STAU1: variants seen among roughly 807,000 people sequenced by gnomAD.
The protein encoded by STAU1 is double-stranded RNA-binding protein Staufen homolog 1.
Under a neutral mutation model 62.9 loss-of-function variants are expected in STAU1, and 13 were observed. That is an observed-to-expected ratio of 0.21 (90% CI 0.13 to 0.33). STAU1 has a LOEUF of 0.33. Ranked by LOEUF, STAU1 falls within the 10% of genes least tolerant of loss-of-function variation. The probability of loss-of-function intolerance (pLI) is 1.00; values close to 1 mark genes in which losing one functional copy is unlikely to be tolerated. For synonymous variants in STAU1, 269 were observed against 265.1 expected, an observed-to-expected ratio of 1.01 and a Z score of -0.14; for missense variants, 571 against 712.1, an observed-to-expected ratio of 0.80 and a Z score of 2.25.
At chr20:49,171,887 G>A (rs535434283) in intron 2 of STAU1, among the ~76,000 whole-genome samples, 133 of 144,326 alleles carry the variant, frequency 9.2e-4, no homozygotes, top group African/African-American at 3.2e-3. Context: ...ATAATAAAAC[G>A]TTTTTGAAAA....
At chr20:49,137,671 T>C (rs559986087) in intron 5 of STAU1, among the ~76,000 whole-genome samples, 2 of 144,838 alleles carry the variant, frequency 1.4e-5, no homozygotes, top group Non-Finnish European at 3.1e-5. Context: ...TACACTCAAC[T>C]TTTTTTTTTT....
intron 3 of STAU1, among the ~76,000 whole-genome samples, chr20:49,159,876 T>C (rs1189663576): frequency 6.6e-6 from 1 of 152,234 alleles, no homozygotes; most frequent in Non-Finnish European, 1.5e-5. Flanking sequence ...GTTGCCTAAA[T>C]GTGTCTATAA....
At chr20:49,198,350 C>T in the STAU1 span, among the ~76,000 whole-genome samples, 2 of 151,420 alleles carry the variant, frequency 1.3e-5, no homozygotes, top group Non-Finnish European at 1.5e-5. Context: ...CCTGTCTCTA[C>T]TAAAAATAGA....
intron 5 of STAU1, among the ~76,000 whole-genome samples, chr20:49,144,367 T>A (rs1042569941): frequency 6.6e-6 from 1 of 152,210 alleles, no homozygotes; most frequent in African/African-American, 2.4e-5. Flanking sequence ...TTCTGTTGAA[T>A]GACTAGATGA....
At chr20:49,192,312 C>A (rs1209521768), upstream of STAU1, among the ~76,000 whole-genome samples, 3 of 138,366 alleles carry the variant, frequency 2.2e-5, no homozygotes, top group East Asian at 6.5e-4. Context: ...AGTCACTGCA[C>A]TGCAGCCTGG....
At chr20:49,198,849 G>C in the STAU1 span, among the ~76,000 whole-genome samples, 3 of 152,136 alleles carry the variant, frequency 2.0e-5, no homozygotes, top group African/African-American at 7.2e-5. Context: ...TATAGTCCCA[G>C]CTACTTTTGA....
intron 7 of STAU1, 122 bp from the exon 8 acceptor site, chr20:49,123,357 A>T: frequency 1.8e-6 from 2 of 1,124,686 alleles, no homozygotes; most frequent in Admixed American, 4.5e-5. Flanking sequence ...TCAGAATTCG[A>T]TTTTTTTTAA....
intron 5 of STAU1, among the ~76,000 whole-genome samples, chr20:49,143,920 C>A (rs1298719799): frequency 6.6e-6 from 1 of 152,210 alleles, no homozygotes; most frequent in African/African-American, 2.4e-5. Flanking sequence ...GCAGCTGGGG[C>A]ACAGCCCACC....
At chr20:49,176,607 T>G (rs759917713) in intron 1 of STAU1, among the ~76,000 whole-genome samples, 11 of 152,236 alleles carry the variant, frequency 7.2e-5, no homozygotes, top group Non-Finnish European at 1.2e-4. Flanking sequence ...TCTAGTTTAT[T>G]TTCTGGTATT....
At chr20:49,204,488 GC>G in the STAU1 span, among the ~76,000 whole-genome samples, 97 of 148,912 alleles carry the variant, frequency 6.5e-4, no homozygotes, top group African/African-American at 2.3e-3. Flanking sequence ...ATTTACCCAG[GC>G]TCGTTCTGAG....
chr20:49,158,589 C>T (rs1358984923), intron 3 of STAU1: 11 of 1,049,460 alleles, frequency 1.0e-5, no homozygotes, highest in East Asian at 1.2e-4. Flanking sequence ...GCAGGCAGAT[C>T]ACTTGAGGTC....
chr20:49,194,057 T>C, the STAU1 span, among the ~76,000 whole-genome samples: 2 of 152,112 alleles, frequency 1.3e-5, no homozygotes, highest in South Asian at 4.1e-4. Context: ...AGGTAGCTTC[T>C]GGGGCAGGGG....
Position 49,118,372 on chromosome 20 carries a change from T to C in STAU1, c.1150A>G (p.Thr384Ala). ...TCCCCAGAGCCAGGTTCAAAAAAGG[T>C]TACTTTTCTTCCATCCCCTGGTTTC... is the stretch of plus-strand genomic sequence containing the variant. The part of the protein sequence containing the change: ...IKKPGDGRKV[T>A]FFEPGSGDEN... Residue 384 changes from threonine to alanine, a missense_variant, in exon 10 of 14, where the codon ACC becomes GCC. By Grantham distance (58) the Thr-to-Ala change is moderately conservative. This residue lies in a region of STAU1 where 414 missense variants were observed against 499.6 expected (regional missense o/e 0.83). Coordinates refer to ENST00000371856, the MANE Select transcript of STAU1 (RefSeq NM_017453.4). The C allele has an allele frequency of 6.2e-7, 1 of 1,613,760 alleles. No homozygotes were observed. The highest frequency in any genetic ancestry group is 1.1e-5 in the South Asian group (1 of 91,028).
At position 49,114,753 on chromosome 20, in the gene STAU1, C is replaced by G; in HGVS notation, c.*125G>C. 1 of 897,926 alleles carries G rather than the reference C, an allele frequency of 1.1e-6. No homozygotes were observed. Among genetic ancestry groups the G allele is most frequent in the Non-Finnish European group, 1.8e-6 (1 of 557,282 alleles). The allele number at this position is 897,926 out of a possible 1,614,324, so 55.6% of individuals were successfully genotyped here. ...TTCTGTTGTCTTCCCTGCTGCTGCCCACATCCTTTACCCACCGTGTCTCTC... is the reference window on the plus strand; with the variant it reads ...TTCTGTTGTCTTCCCTGCTGCTGCCGACATCCTTTACCCACCGTGTCTCTC... On this transcript the variant is annotated 3_prime_UTR_variant, in exon 14 of 14. Transcript: ENST00000371856.
intron 3 of STAU1, among the ~76,000 whole-genome samples, chr20:49,163,587 G>A (rs1568910074): frequency 6.6e-6 from 1 of 151,372 alleles, no homozygotes. Flanking sequence ...CGCTACACCT[G>A]GCTAATTTTT....
intron 3 of STAU1, among the ~76,000 whole-genome samples, chr20:49,163,127 A>T (rs1466527950): frequency 6.6e-6 from 1 of 151,602 alleles, no homozygotes; most frequent in South Asian, 2.1e-4. Flanking sequence ...GGGAGGAGGA[A>T]GTTGCAGTGA....
Position 49,120,141 on chromosome 20 carries a change from G to C in STAU1, c.967-13C>G. On this transcript the variant is annotated splice_polypyrimidine_tract_variant and intron_variant, in intron 8 of 13. Coordinates refer to ENST00000371856, the MANE Select transcript of STAU1 (RefSeq NM_017453.4). ...TTCCAACCTTCACCTGCACAAAGAA[G>C]TCAAAACACAGACCAGTGCTTAAAC... is the stretch of plus-strand genomic sequence containing the variant. 6.2e-7 allele frequency: 1 copy of C among 1,610,350 alleles called. No homozygotes were observed. The highest frequency in any genetic ancestry group is 8.5e-7 in the Non-Finnish European group (1 of 1,177,382).
intron 4 of STAU1, among the ~76,000 whole-genome samples, 173 bp downstream of exon 4, chr20:49,153,755 AAAAAG>A (rs1197440496): frequency 2.7e-5 from 4 of 150,398 alleles, no homozygotes; most frequent in East Asian, 3.9e-4. Flanking sequence ...AAGAAAGAAA[AAAAAG>A]AAAAGGCGGG....
In STAU1 at chr20:49,123,319, A is replaced by G. The variant is rs1327710103; in HGVS notation, c.823-84T>C. The G allele has an allele frequency of 8.1e-6, 13 of 1,595,422 alleles. No individual in the cohort carries two copies. The Admixed American group carries it at 1.0e-4, about 12-fold the overall frequency. On this transcript the variant is annotated intron_variant, in intron 7 of 13. Coordinates refer to ENST00000371856, the MANE Select transcript of STAU1 (RefSeq NM_017453.4). ...CTCAGAGATCAGGATATGAGAGGAG[A>G]TAAGAGATTTTGGGTTGACCTAATG...
Sources: allele counts gnomAD v4.1 joint callset (sites outside exome capture counted in the v4.1 genomes callset), GRCh38; gene constraint gnomAD v4.1.1; regional missense constraint gnomAD v4.1.1; transcripts MANE v1.5; gene names NCBI Gene and HGNC (gene_info 2026-07-23, HGNC 2026-07-21).